The following TANGO6 variants were observed in gnomAD, a reference collection of about 807,000 sequenced individuals.
TANGO6 encodes transport and golgi organization 6 homolog.
A neutral mutation model predicts 114.2 loss-of-function variants in TANGO6; 90 were observed. The observed-to-expected ratio is 0.79, with a 90% CI of 0.66 to 0.94. The LOEUF (loss-of-function observed/expected upper bound fraction) is 0.94, where lower values mean the gene tolerates loss of function less well. Among genes scored for constraint, TANGO6 ranks in the 40% least tolerant of loss-of-function variants. The probability of loss-of-function intolerance (pLI) is 0.00; values close to 1 mark genes in which losing one functional copy is unlikely to be tolerated. For synonymous variants in TANGO6, 477 were observed against 509.8 expected, an observed-to-expected ratio of 0.94 and a Z score of 0.87; for missense variants, 1,274 against 1,315.3, an observed-to-expected ratio of 0.97 and a Z score of 0.49.
chr16:69,047,180 CAAA>C (rs11435479), intron 17 of TANGO6, among the ~76,000 whole-genome samples: 8 of 104,590 alleles, frequency 7.6e-5, no homozygotes, highest in African/African-American at 1.3e-4. Context: ...GACTCTGTCT[CAAA>C]AAAAAAAAAA....
intron 14 of TANGO6, 26 bp downstream of exon 14, chr16:68,930,321 T>TC: frequency 6.5e-7 from 1 of 1,529,500 alleles, no homozygotes. Context: ...TTAAAGGACT[T>TC]TAAGTATGTG....
chr16:68,929,059 C>T (rs1963207103), intron 13 of TANGO6, among the ~76,000 whole-genome samples: 1 of 152,146 alleles, frequency 6.6e-6, no homozygotes, highest in Non-Finnish European at 1.5e-5. Flanking sequence ...GCTGGGATTA[C>T]AGGTGCCCAC....
intron 7 of TANGO6, among the ~76,000 whole-genome samples, chr16:68,900,035 A>G (rs376405920): frequency 2.0e-5 from 3 of 152,290 alleles, no homozygotes; most frequent in African/African-American, 4.8e-5. Context: ...TCCAGTTTTA[A>G]GTTTTTCCCT....
chr16:68,867,792 G>A (rs111970674), intron 4 of TANGO6: 14,700 of 151,346 alleles, frequency 0.097, 797 homozygotes, highest in Non-Finnish European at 0.13. Context: ...AGCCAAGATC[G>A]TGCCACTGCA....
chr16:69,001,485 T>C (rs973481496), intron 15 of TANGO6, among the ~76,000 whole-genome samples: 10 of 150,146 alleles, frequency 6.7e-5, no homozygotes, highest in African/African-American at 2.2e-4. Context: ...TATTTACAGC[T>C]CTTTTATATA....
intron 17 of TANGO6, among the ~76,000 whole-genome samples, chr16:69,081,080 G>T (rs1960457889): frequency 6.6e-6 from 1 of 152,178 alleles, no homozygotes; most frequent in Non-Finnish European, 1.5e-5. Context: ...GGAGCTTGCA[G>T]TGAGCCAAGA....
chr16:69,041,786 C>T (rs889406528), intron 17 of TANGO6, among the ~76,000 whole-genome samples: 3 of 152,170 alleles, frequency 2.0e-5, no homozygotes, highest in African/African-American at 4.8e-5. Flanking sequence ...AGAAAAACTT[C>T]AACTACAATG....
Position 68,878,347 on chromosome 16 carries a change from T to C in TANGO6, c.1294+67T>C, listed in dbSNP as rs1177481674. 2.0e-6 allele frequency: 3 copies of C among 1,503,050 alleles called. No homozygotes were observed. The African/African-American group carries it at 4.2e-5, about 21-fold the overall frequency. The allele number at this position is 1,503,050 out of a possible 1,614,324, so 93.1% of individuals were successfully genotyped here. A position where few individuals can be genotyped will look rare whatever the true frequency, so the allele number is the denominator to read the frequency against. On this transcript the variant is annotated intron_variant, in intron 6 of 17. Transcript: ENST00000261778. ...CCTTCTTCAGTATTTCACGTTGAAA[T>C]GATTTAAATCTGTGTTATATCAGTC... is the stretch of plus-strand genomic sequence containing the variant.
chr16:69,044,903 C>T (rs1458737297), intron 17 of TANGO6, among the ~76,000 whole-genome samples: 2 of 152,144 alleles, frequency 1.3e-5, no homozygotes, highest in Admixed American at 6.5e-5. Flanking sequence ...TGCCTATAAT[C>T]CCAGCACTTT....
At chr16:68,932,670 AT>A (rs1488110418) in intron 14 of TANGO6, among the ~76,000 whole-genome samples, 3 of 152,000 alleles carry the variant, frequency 2.0e-5, no homozygotes, top group Admixed American at 6.6e-5. Flanking sequence ...GGCACCTGTA[AT>A]CCCGGCTACT....
At chr16:68,956,667 A>G (rs554824996) in intron 14 of TANGO6, among the ~76,000 whole-genome samples, 4 of 152,242 alleles carry the variant, frequency 2.6e-5, no homozygotes, top group Admixed American at 1.3e-4. Context: ...AGCCTGGCCA[A>G]TATGGTAAAA....
rs1272285492 is a variant in TANGO6 at position 69,007,737 on chromosome 16, C to G, written c.2843-15091C>G. ...TTTAACTTTTTGAGGAACTGCCAAA[C>G]TGTTTTCCAAAGTTTTCCATTTTAC... On this transcript the variant is annotated intron_variant, in intron 15 of 17. Transcript: ENST00000261778. Among the ~76,000 whole-genome samples the G allele has an allele frequency of 5.3e-5, 8 of 152,148 alleles. No homozygotes were observed. In the East Asian group the frequency reaches 1.5e-3, roughly 29 times the overall value.
chr16:68,927,324 A>G (rs1389762174), intron 12 of TANGO6, among the ~76,000 whole-genome samples: 3 of 152,194 alleles, frequency 2.0e-5, no homozygotes, highest in South Asian at 2.1e-4. Flanking sequence ...TATCACAAGG[A>G]TATGAATGTG....
chr16:69,004,769 T>C (rs1246899115), intron 15 of TANGO6, among the ~76,000 whole-genome samples: 1 of 152,236 alleles, frequency 6.6e-6, no homozygotes, highest in African/African-American at 2.4e-5. Context: ...TTCAGGACTA[T>C]TGTCCCCATG....
chr16:69,073,593 G>A (rs1318556315), intron 17 of TANGO6, among the ~76,000 whole-genome samples: 2 of 152,126 alleles, frequency 1.3e-5, no homozygotes, highest in South Asian at 4.1e-4. Context: ...ATCCTCTGCC[G>A]GGAATTAGCT....
At chr16:69,018,428 G>C (rs1959342561) in intron 15 of TANGO6, among the ~76,000 whole-genome samples, 1 of 150,574 alleles carries the variant, frequency 6.6e-6, no homozygotes, top group Non-Finnish European at 1.5e-5. Flanking sequence ...GATTACAGGT[G>C]TGAGCCACCG....
At chr16:69,008,972 G>A (rs1047170768) in intron 15 of TANGO6, among the ~76,000 whole-genome samples, 1 of 151,622 alleles carries the variant, frequency 6.6e-6, no homozygotes, top group Admixed American at 6.6e-5. Context: ...GTCAAGAAGG[G>A]GTTTTCATGT....
At chr16:68,956,241 G>A (rs1963529048) in intron 14 of TANGO6, among the ~76,000 whole-genome samples, 1 of 152,144 alleles carries the variant, frequency 6.6e-6, no homozygotes, top group Non-Finnish European at 1.5e-5. Context: ...TAAGAAAACA[G>A]GGAATAACCA....
At chr16:69,003,750 C>T (rs558824482) in intron 15 of TANGO6, among the ~76,000 whole-genome samples, 2 of 151,984 alleles carry the variant, frequency 1.3e-5, no homozygotes, top group Admixed American at 6.6e-5. Context: ...ATGCTTGGAC[C>T]TTTTGACTTG....
Sources: gnomAD v4.1 joint callset for allele counts (sites outside exome capture counted in the v4.1 genomes callset) on GRCh38, gnomAD v4.1.1 for gene constraint, MANE v1.5 for transcripts, NCBI Gene and HGNC (gene_info 2026-07-23, HGNC 2026-07-21) for gene names.